Variants in RGS6 observed in about 807,000 individuals in gnomAD.
The protein encoded by RGS6 is regulator of G-protein signaling 6.
Under a neutral mutation model 78.5 loss-of-function variants are expected in RGS6, and 30 were observed. The ratio of observed to expected loss-of-function variants is 0.38; its 90% CI spans 0.29 to 0.52. The LOEUF (loss-of-function observed/expected upper bound fraction) is 0.52, where lower values mean the gene tolerates loss of function less well. Ranked by LOEUF, RGS6 falls within the 20% of genes least tolerant of loss-of-function variation. The pLI, the probability that RGS6 is intolerant of heterozygous loss-of-function variation, is 0.85. For synonymous variants in RGS6, 206 were observed against 206.0 expected, an observed-to-expected ratio of 1.00 and a Z score of 0.00; for missense variants, 495 against 609.7, an observed-to-expected ratio of 0.81 and a Z score of 1.98.
At chr14:71,897,405 G>C in the RGS6 span, among the ~76,000 whole-genome samples, 1 of 152,202 alleles carries the variant, frequency 6.6e-6, no homozygotes, top group Non-Finnish European at 1.5e-5. Flanking sequence ...AATCAGATAT[G>C]CTGCCAAGTG....
chr14:72,045,948 C>T (rs929347730), intron 2 of RGS6, among the ~76,000 whole-genome samples: 4 of 152,092 alleles, frequency 2.6e-5, no homozygotes, highest in Non-Finnish European at 5.9e-5. Context: ...AGTCCTGACA[C>T]CCAATATGAG....
intron 2 of RGS6, among the ~76,000 whole-genome samples, chr14:72,341,591 A>G (rs8022845): frequency 0.12 from 18,445 of 152,202 alleles, 1,144 homozygotes; most frequent in East Asian, 0.18. Flanking sequence ...GACTCAGGAG[A>G]GTTTTGCAGA....
chr14:72,458,122 C>G lies in RGS6; in HGVS notation c.236-149C>G, dbSNP rs578117680. On this transcript the variant is annotated intron_variant, in intron 4 of 17. Coordinates refer to ENST00000553525, the MANE Select transcript of RGS6 (RefSeq NM_001204424.2). The stretch of plus-strand genomic sequence containing the variant: ...GCCCTTTCCAGCCATTGGCATCTCC[C>G]CTCCTCACCCCCACACTGAGCAAGG... 8.7e-5 allele frequency: 48 copies of G among 552,440 alleles called. No homozygotes were observed. In the African/African-American group the frequency reaches 8.8e-4, roughly 10 times the overall value. 34.2% of individuals were successfully genotyped at this position (552,440 alleles called of 1,614,324 possible).
chr14:72,262,047 T>G (rs1292603096), intron 2 of RGS6, among the ~76,000 whole-genome samples: 3 of 152,198 alleles, frequency 2.0e-5, no homozygotes, highest in African/African-American at 7.2e-5. Flanking sequence ...ATTGCTTTTT[T>G]TTTTTAATTG....
At chr14:72,036,250 G>T (rs1298797941) in intron 2 of RGS6, among the ~76,000 whole-genome samples, 4 of 148,084 alleles carry the variant, frequency 2.7e-5, no homozygotes, top group African/African-American at 1.0e-4. Context: ...GAATTCCACT[G>T]TGTGAACATA....
At chr14:72,584,003 C>A in the RGS6 span, among the ~76,000 whole-genome samples, 1 of 152,148 alleles carries the variant, frequency 6.6e-6, no homozygotes, top group Admixed American at 6.5e-5. Flanking sequence ...AATCATCATC[C>A]AAGAGGTGAA....
At chr14:71,904,283 T>C in the RGS6 span, among the ~76,000 whole-genome samples, 3 of 152,202 alleles carry the variant, frequency 2.0e-5, no homozygotes, top group Admixed American at 6.5e-5. Flanking sequence ...GGGAAGAAGA[T>C]ACAGATCTCA....
In RGS6 at chr14:72,472,085, G is replaced by A. The variant is rs186984626; in HGVS notation, c.537-787G>A. 9.6e-4 allele frequency among the ~76,000 whole-genome samples: 145 copies of A among 151,480 alleles called. No homozygotes were observed. The East Asian group carries it at 0.019, about 20-fold the overall frequency. On this transcript the variant is annotated intron_variant, in intron 8 of 17. Coordinates refer to ENST00000553525, the MANE Select transcript of RGS6 (RefSeq NM_001204424.2). ...CAGTCCAGTAAAGTAAAGCGTTCCC[G>A]AGAGAGCCGAGACCTAGGAGTTACA...
At chr14:72,314,255 C>T (rs915082165) in intron 2 of RGS6, among the ~76,000 whole-genome samples, 1 of 152,218 alleles carries the variant, frequency 6.6e-6, no homozygotes, top group Non-Finnish European at 1.5e-5. Context: ...AGGGGTTAGA[C>T]AGCTCACTGA....
At chr14:72,583,186 T>C in the RGS6 span, among the ~76,000 whole-genome samples, 1 of 152,190 alleles carries the variant, frequency 6.6e-6, no homozygotes, top group African/African-American at 2.4e-5. Context: ...CCACCAGCCC[T>C]CCTGCTTCTC....
chr14:72,412,270 T>C (rs893243112), intron 3 of RGS6, among the ~76,000 whole-genome samples: 2 of 152,238 alleles, frequency 1.3e-5, no homozygotes, highest in African/African-American at 4.8e-5. Flanking sequence ...ATTCAGAGAT[T>C]CAACTTCTTC....
intron 2 of RGS6, among the ~76,000 whole-genome samples, chr14:72,139,254 C>A (rs1172661857): frequency 1.3e-5 from 2 of 152,214 alleles, no homozygotes; most frequent in African/African-American, 4.8e-5. Context: ...GCTGCCCAAG[C>A]CACCCTTGGT....
intron 3 of RGS6, among the ~76,000 whole-genome samples, chr14:72,388,555 C>T (rs2152930538): frequency 6.6e-6 from 1 of 152,236 alleles, no homozygotes; most frequent in Admixed American, 6.5e-5. Flanking sequence ...TGTCTGTGGT[C>T]TCAGGCAGGG....
At chr14:72,112,294 G>A (rs895313316) in intron 2 of RGS6, among the ~76,000 whole-genome samples, 8 of 152,256 alleles carry the variant, frequency 5.3e-5, no homozygotes, top group East Asian at 1.9e-4. Context: ...CATGCAGTTC[G>A]TTGGTGGTGG....
chr14:72,436,845 T>C (rs1396240328), intron 3 of RGS6, among the ~76,000 whole-genome samples: 2 of 152,122 alleles, frequency 1.3e-5, no homozygotes, highest in African/African-American at 4.8e-5. Context: ...CAACACTCCT[T>C]AGTGTATTCA....
At chr14:72,433,876 A>G (rs1417621503) in intron 3 of RGS6, among the ~76,000 whole-genome samples, 2 of 152,240 alleles carry the variant, frequency 1.3e-5, no homozygotes, top group African/African-American at 4.8e-5. Context: ...GTGCATACAA[A>G]TGGGCGAATA....
At chr14:72,456,307 T>C (rs140082167) in intron 4 of RGS6, among the ~76,000 whole-genome samples, 32 of 152,350 alleles carry the variant, frequency 2.1e-4, no homozygotes, top group African/African-American at 7.2e-4. Context: ...TTTTTGGTTT[T>C]TGAGGCAAGG....
At chr14:72,136,173 A>G (rs974888419) in intron 2 of RGS6, among the ~76,000 whole-genome samples, 2 of 152,096 alleles carry the variant, frequency 1.3e-5, no homozygotes, top group African/African-American at 4.8e-5. Context: ...CCTTTCTCTT[A>G]AGGAATTACC....
intron 2 of RGS6, among the ~76,000 whole-genome samples, chr14:72,144,860 C>T (rs1408227961): frequency 6.6e-6 from 1 of 151,748 alleles, no homozygotes; most frequent in Non-Finnish European, 1.5e-5. Flanking sequence ...GAGTAATTCA[C>T]ACAGAGCCAG....
Sources: gnomAD v4.1 joint callset for allele counts (sites outside exome capture counted in the v4.1 genomes callset) on GRCh38, gnomAD v4.1.1 for gene constraint, MANE v1.5 for transcripts, NCBI Gene and HGNC (gene_info 2026-07-23, HGNC 2026-07-21) for gene names.